The following STRN3 variants were observed in gnomAD, a reference collection of about 807,000 sequenced individuals.
The protein encoded by STRN3 is striatin 3.
Under a neutral mutation model 95.6 loss-of-function variants are expected in STRN3, and 29 were observed. That is an observed-to-expected ratio of 0.30 (90% CI 0.23 to 0.41). STRN3 has a LOEUF of 0.41. STRN3 is among the 10% of genes least tolerant of loss of function. The pLI, the probability that STRN3 is intolerant of heterozygous loss-of-function variation, is 1.00. For missense variants in STRN3, 890 were observed against 972.1 expected (o/e 0.92, Z 1.12); for synonymous variants, 331 against 357.6 (o/e 0.93, Z 0.84).
chr14:30,929,228 C>A lies in STRN3; in HGVS notation c.1072G>T (p.Glu358Ter). ...ISKLKEQYKK[E>*]RKGKKGVKRA... ...TTCACCCCTTTCTTCCCCTTTCGTT[C>A]CTTCTTGTACTGTTCCTTCAGTTTA... Residue 358 changes from glutamate (E) to a stop codon, truncating the protein, a stop_gained, in exon 8 of 18, where the codon GAA (glutamate) becomes TAA (stop). Transcript: ENST00000357479. LOFTEE classifies it high-confidence loss of function. 6.2e-7 allele frequency: 1 copy of A among 1,609,298 alleles called. No homozygotes were observed. The highest frequency in any genetic ancestry group is 8.5e-7 in the Non-Finnish European group (1 of 1,178,062).
chr14:31,002,951 T>C (rs572110021), intron 1 of STRN3, among the ~76,000 whole-genome samples: 240 of 152,188 alleles, frequency 1.6e-3, no homozygotes, highest in African/African-American at 5.1e-3. Context: ...TGCCTACCAC[T>C]GCAATAAACC....
At chr14:31,023,031 T>C (rs1321194863) in intron 1 of STRN3, among the ~76,000 whole-genome samples, 2 of 152,212 alleles carry the variant, frequency 1.3e-5, no homozygotes, top group African/African-American at 4.8e-5. Context: ...TCTGGAATAG[T>C]AATTTGCAAA....
At position 30,914,049 on chromosome 14, in the gene STRN3, T is replaced by C. The variant is rs560640898; in HGVS notation, c.1241-392A>G. Among the ~76,000 whole-genome samples, 8 of 152,318 alleles carry C rather than the reference T, an allele frequency of 5.3e-5. No homozygotes were observed. In the South Asian group the frequency reaches 6.2e-4, roughly 12 times the overall value. The stretch of plus-strand genomic sequence containing the variant: ...CATTCATGAGGGGAAACCTCTACCA[T>C]GGACCTCAAGGACCTCAAAGTAGTC... On this transcript the variant is annotated intron_variant, in intron 9 of 17. Coordinates refer to ENST00000357479, the MANE Select transcript of STRN3 (RefSeq NM_001083893.2).
At chr14:30,900,585 A>G (rs914208354) in intron 16 of STRN3, among the ~76,000 whole-genome samples, 19 of 151,604 alleles carry the variant, frequency 1.3e-4, no homozygotes, top group African/African-American at 4.6e-4. Context: ...TACAAAAATT[A>G]GCTGGACATG....
At chr14:31,021,363 T>C (rs925871920) in intron 1 of STRN3, among the ~76,000 whole-genome samples, 1 of 152,152 alleles carries the variant, frequency 6.6e-6, no homozygotes, top group South Asian at 2.1e-4. Flanking sequence ...TGGGCCTCGA[T>C]ATGCCAGTGT....
At chr14:31,007,101 T>C (rs530130815) in intron 1 of STRN3, among the ~76,000 whole-genome samples, 1 of 152,234 alleles carries the variant, frequency 6.6e-6, no homozygotes, top group African/African-American at 2.4e-5. Context: ...TTACCTCCTA[T>C]CCAACTTTTC....
At chr14:30,929,383 A>G in intron 7 of STRN3, 72 bp from the exon 8 acceptor site, 1 of 1,086,420 alleles carries the variant, frequency 9.2e-7, no homozygotes, top group Non-Finnish European at 1.4e-6. Flanking sequence ...GTAAACTGTT[A>G]TAGCTTTACA....
chr14:31,016,428 G>A (rs1883238020), intron 1 of STRN3, among the ~76,000 whole-genome samples: 1 of 152,120 alleles, frequency 6.6e-6, no homozygotes, highest in African/African-American at 2.4e-5. Flanking sequence ...CTGCTACTAA[G>A]TGAAAAGGCT....
At chr14:30,963,088 G>A (rs1344267159) in intron 1 of STRN3, among the ~76,000 whole-genome samples, 1 of 123,774 alleles carries the variant, frequency 8.1e-6, no homozygotes, top group Admixed American at 8.4e-5. Flanking sequence ...ACATGACTAC[G>A]CTAATAATGA....
At chr14:30,990,463 C>A (rs1881902319) in intron 1 of STRN3, among the ~76,000 whole-genome samples, 3 of 152,014 alleles carry the variant, frequency 2.0e-5, no homozygotes, top group Admixed American at 6.6e-5. Flanking sequence ...CCACCGCGCC[C>A]GGCCAAAGGG....
In STRN3 at chr14:30,894,904, T is replaced by TC. The variant is rs1896088653; in HGVS notation, c.*506_*507insG. 9.3e-7 allele frequency: 1 copy of TC among 1,072,798 alleles called. No individual in the cohort carries two copies. The highest frequency in any genetic ancestry group is 1.7e-5 in the African/African-American group (1 of 58,244). 66.5% of individuals were successfully genotyped at this position (1,072,798 alleles called of 1,614,324 possible). On this transcript the variant is annotated 3_prime_UTR_variant, in exon 18 of 18. Coordinates refer to ENST00000357479, the MANE Select transcript of STRN3 (RefSeq NM_001083893.2). ...TAAATTTTCTTTTTCTTTTTTTTTT[T>TC]TTTTAAAGCAAAATAAGTTTAAAAG...
chr14:30,981,822 C>T (rs1272187910), intron 1 of STRN3, among the ~76,000 whole-genome samples: 5 of 152,106 alleles, frequency 3.3e-5, no homozygotes, highest in South Asian at 2.1e-4. Flanking sequence ...AGGCTGGGTG[C>T]GGTGGCTCAC....
In STRN3 at chr14:30,895,343, C is replaced by T; in HGVS notation, c.*68G>A. On this transcript the variant is annotated 3_prime_UTR_variant, in exon 18 of 18. Coordinates refer to ENST00000357479, the MANE Select transcript of STRN3 (RefSeq NM_001083893.2). ...ATGTAGTGTCATATCAGTAACCTTT[C>T]TGATGGCAGTGATGCAGACCCTCTT... 6.8e-7 allele frequency: 1 copy of T among 1,477,186 alleles called. No individual in the cohort carries two copies. Among genetic ancestry groups the T allele is most frequent in the Non-Finnish European group, 9.0e-7 (1 of 1,107,284 alleles). The allele number at this position is 1,477,186 out of a possible 1,614,324, so 91.5% of individuals were successfully genotyped here.
At chr14:31,008,359 C>A (rs1170045927) in intron 1 of STRN3, among the ~76,000 whole-genome samples, 1 of 150,830 alleles carries the variant, frequency 6.6e-6, no homozygotes, top group Non-Finnish European at 1.5e-5. Flanking sequence ...AATACAAAAA[C>A]TAGCTGGGCG....
At chr14:31,011,218 G>A (rs867689942) in intron 1 of STRN3, among the ~76,000 whole-genome samples, 2 of 152,106 alleles carry the variant, frequency 1.3e-5, no homozygotes, top group East Asian at 1.9e-4. Flanking sequence ...TTCTGCATCC[G>A]GTGGACTTTT....
Position 30,955,589 on chromosome 14 carries a change from AAAAAAAAAGTAACAG to A in STRN3, c.460+16_460+30del. On this transcript the variant is annotated intron_variant, in intron 3 of 17. Transcript: ENST00000357479. ...CTGTTACATAAAAAATGAATTAAAA[AAAAAAAAAGTAACAG>A]AAGAAGCAAGTTTACCTGACTCAAA... 1 of 1,552,452 alleles carries A rather than the reference AAAAAAAAAGTAACAG, an allele frequency of 6.4e-7. No individual in the cohort carries two copies. The highest frequency in any genetic ancestry group is 8.6e-7 in the Non-Finnish European group (1 of 1,158,224).
At chr14:31,013,417 T>C (rs1253936251) in intron 1 of STRN3, among the ~76,000 whole-genome samples, 1 of 151,490 alleles carries the variant, frequency 6.6e-6, no homozygotes, top group Non-Finnish European at 1.5e-5. Context: ...GGTTATATAG[T>C]TTGCCACATT....
At chr14:30,910,323 CTGTTT>C (rs1390054719) in intron 13 of STRN3, among the ~76,000 whole-genome samples, 1 of 152,188 alleles carries the variant, frequency 6.6e-6, no homozygotes, top group East Asian at 1.9e-4. Flanking sequence ...CTTCGCTTAT[CTGTTT>C]TATGTCTCTA....
At chr14:30,994,599 A>G (rs1034059060) in intron 1 of STRN3, among the ~76,000 whole-genome samples, 4 of 152,216 alleles carry the variant, frequency 2.6e-5, no homozygotes, top group Non-Finnish European at 4.4e-5. Flanking sequence ...ACACAAAACC[A>G]AATAAACTAA....
Sources: gnomAD v4.1 joint callset for allele counts (sites outside exome capture counted in the v4.1 genomes callset) on GRCh38, gnomAD v4.1.1 for gene constraint, MANE v1.5 for transcripts, NCBI Gene and HGNC (gene_info 2026-07-23, HGNC 2026-07-21) for gene names.